SLC39A10: variants seen among roughly 807,000 people sequenced by gnomAD.
SLC39A10 encodes zinc transporter ZIP10.
SLC39A10 carries 13 observed loss-of-function variants against 65.1 expected under a neutral mutation model. The observed-to-expected ratio is 0.20, with a 90% CI of 0.13 to 0.32. The LOEUF (loss-of-function observed/expected upper bound fraction) is 0.32. SLC39A10 is among the 10% of genes least tolerant of loss of function. The pLI, the probability that SLC39A10 is intolerant of heterozygous loss-of-function variation, is 1.00. For missense variants in SLC39A10, 831 were observed against 1,018.4 expected (o/e 0.82, Z 2.50); for synonymous variants, 321 against 342.2 (o/e 0.94, Z 0.68).
intron 2 of SLC39A10, among the ~76,000 whole-genome samples, chr2:195,626,061 G>C (rs1487052616): frequency 1.3e-5 from 2 of 152,188 alleles, no homozygotes. Context: ...TGGAATTATA[G>C]AAGTGAGCCA....
chr2:195,656,660 G>A (rs904312515), upstream of SLC39A10: 1 of 152,220 alleles, frequency 6.6e-6, no homozygotes, highest in African/African-American at 2.4e-5. Flanking sequence ...GTTCGCTGTT[G>A]CCCTAAGAGA....
intron 5 of SLC39A10, among the ~76,000 whole-genome samples, chr2:195,710,860 G>T (rs1691580540): frequency 6.6e-6 from 1 of 152,122 alleles, no homozygotes; most frequent in Non-Finnish European, 1.5e-5. Context: ...AATTCTGATG[G>T]ACGAGTAGAG....
upstream of SLC39A10, among the ~76,000 whole-genome samples, chr2:195,653,970 C>A (rs2105715970): frequency 6.6e-6 from 1 of 152,178 alleles, no homozygotes; most frequent in South Asian, 2.1e-4. Context: ...CGGAGTTTTG[C>A]TCTTGTTGCC....
intron 1 of SLC39A10, among the ~76,000 whole-genome samples, chr2:195,659,000 AG>A (rs1317669387): frequency 1.3e-5 from 2 of 152,268 alleles, no homozygotes; most frequent in African/African-American, 4.8e-5. Context: ...GTAAAGCATT[AG>A]TGAGGACTGT....
intron 1 of SLC39A10, among the ~76,000 whole-genome samples, chr2:195,673,119 A>G (rs1341977357): frequency 2.6e-5 from 4 of 152,242 alleles, no homozygotes; most frequent in Non-Finnish European, 4.4e-5. Flanking sequence ...TATATATGCC[A>G]TATATGATAA....
At chr2:195,645,300 G>C (rs1574216989) in intron 2 of SLC39A10, among the ~76,000 whole-genome samples, 2 of 151,948 alleles carry the variant, frequency 1.3e-5, no homozygotes, top group East Asian at 3.9e-4. Context: ...ATACATTTTG[G>C]TAATCTCAAA....
intron 3 of SLC39A10, among the ~76,000 whole-genome samples, chr2:195,704,900 C>T (rs1260170634): frequency 2.6e-5 from 4 of 152,072 alleles, no homozygotes; most frequent in Admixed American, 6.6e-5. Flanking sequence ...CAAGCTCAAG[C>T]GATCGTTCCA....
chr2:195,683,155 C>T (rs1203784229), intron 2 of SLC39A10, among the ~76,000 whole-genome samples: 1 of 148,116 alleles, frequency 6.8e-6, no homozygotes, highest in Non-Finnish European at 1.5e-5. Context: ...TTTAAGCTTA[C>T]TTTTTTTTTT....
chr2:195,716,171 A>G (rs1036303755), intron 6 of SLC39A10, among the ~76,000 whole-genome samples: 1 of 152,218 alleles, frequency 6.6e-6, no homozygotes. Flanking sequence ...TCATTATTGT[A>G]GCTTCTAATT....
intron 2 of SLC39A10, among the ~76,000 whole-genome samples, chr2:195,682,832 G>A (rs1329847698): frequency 3.3e-5 from 5 of 150,562 alleles, no homozygotes; most frequent in Non-Finnish European, 7.4e-5. Context: ...CAATTAAGTG[G>A]TGCTAAATAG....
At chr2:195,718,616 A>C (rs1431090393) in intron 8 of SLC39A10, among the ~76,000 whole-genome samples, 1 of 152,188 alleles carries the variant, frequency 6.6e-6, no homozygotes, top group Non-Finnish European at 1.5e-5. Flanking sequence ...TATAACTTTT[A>C]AAAAGAAATA....
At chr2:195,723,514 T>C (rs1219825199) in intron 8 of SLC39A10, among the ~76,000 whole-genome samples, 1 of 152,086 alleles carries the variant, frequency 6.6e-6, no homozygotes, top group African/African-American at 2.4e-5. Context: ...GTCTGCACTC[T>C]CAGAACAGCC....
At chr2:195,733,141 T>C (rs923979921) in intron 9 of SLC39A10, among the ~76,000 whole-genome samples, 12 of 152,174 alleles carry the variant, frequency 7.9e-5, no homozygotes, top group African/African-American at 2.9e-4. Flanking sequence ...TGTTTCTTCC[T>C]AGACAGGAAG....
intron 2 of SLC39A10, among the ~76,000 whole-genome samples, chr2:195,620,039 C>T (rs1310365114): frequency 6.6e-6 from 1 of 152,192 alleles, no homozygotes; most frequent in East Asian, 1.9e-4. Flanking sequence ...TCTCTTACCT[C>T]AGCCTCCCAA....
intron 3 of SLC39A10, among the ~76,000 whole-genome samples, chr2:195,706,227 A>G (rs112622136): frequency 5.3e-5 from 8 of 152,134 alleles, no homozygotes; most frequent in Non-Finnish European, 4.4e-5. Context: ...GGCTTTTTTA[A>G]TGTTCTCAGG....
At position 195,718,307 on chromosome 2, in the gene SLC39A10, C is replaced by G. The variant is rs1691895257; in HGVS notation, c.2121C>G (p.Phe707Leu). Reference sequence around the variant, plus strand: ...GAATCAGTACTTCTATAGCCGTCTTCTGTCATGAACTGCCACATGAATTAG... The same window carrying G: ...GAATCAGTACTTCTATAGCCGTCTTGTGTCATGAACTGCCACATGAATTAG... ...TGGISTSIAV[F>L]CHELPHELGD... Residue 707 changes from phenylalanine to leucine, a missense_variant, in exon 8 of 10, where the codon TTC becomes TTG. By Grantham distance (22) the Phe-to-Leu change is conservative (BLOSUM62 0). Coordinates refer to ENST00000359634, the MANE Select transcript of SLC39A10 (RefSeq NM_020342.3). 1 of 1,607,278 alleles carries G rather than the reference C, an allele frequency of 6.2e-7. No individual in the cohort carries two copies. Among genetic ancestry groups the G allele is most frequent in the Non-Finnish European group, 8.5e-7 (1 of 1,175,230 alleles).
chr2:195,696,138 G>A (rs187264907), intron 3 of SLC39A10, among the ~76,000 whole-genome samples: 2 of 151,990 alleles, frequency 1.3e-5, no homozygotes, highest in African/African-American at 4.8e-5. Flanking sequence ...CTATTCCATT[G>A]GTATGTCTGT....
At chr2:195,620,915 T>A (rs941395783) in intron 2 of SLC39A10, among the ~76,000 whole-genome samples, 1 of 152,194 alleles carries the variant, frequency 6.6e-6, no homozygotes, top group Non-Finnish European at 1.5e-5. Context: ...AGTTCCCACT[T>A]CTTGGATCGC....
Position 195,665,365 on chromosome 2 carries a change from TC to T in SLC39A10, c.-12+8087del, listed in dbSNP as rs1689595909. ...TGGGTGTGGTGCTGCGCACCTGTAGTCCCAGCTATGTAGGAGGATGGCTTCA... is the reference window on the plus strand; with the variant it reads ...TGGGTGTGGTGCTGCGCACCTGTAGTCCAGCTATGTAGGAGGATGGCTTCA... On this transcript the variant is annotated intron_variant, in intron 1 of 9. Transcript: ENST00000359634. 2.0e-5 allele frequency among the ~76,000 whole-genome samples: 3 copies of T among 152,264 alleles called. No homozygotes were observed. In the South Asian group the frequency reaches 6.2e-4, roughly 32 times the overall value.
Sources: gnomAD v4.1 joint callset for allele counts (sites outside exome capture counted in the v4.1 genomes callset) on GRCh38, gnomAD v4.1.1 for gene constraint, MANE v1.5 for transcripts, NCBI Gene and HGNC (gene_info 2026-07-23, HGNC 2026-07-21) for gene names.